EPHA5: variants seen among roughly 807,000 people sequenced by gnomAD.
The protein encoded by EPHA5 is ephrin type-A receptor 5.
EPHA5 carries 60 observed loss-of-function variants against 105.0 expected under a neutral mutation model. The observed-to-expected ratio is 0.57, with a 90% CI of 0.46 to 0.71. The LOEUF (loss-of-function observed/expected upper bound fraction) is 0.71. Ranked by LOEUF, EPHA5 falls within the 30% of genes least tolerant of loss-of-function variation. The pLI, the probability that EPHA5 is intolerant of heterozygous loss-of-function variation, is 0.00. For missense variants in EPHA5, 1,218 were observed against 1,274.7 expected (o/e 0.96, Z 0.68); for synonymous variants, 513 against 449.1 (o/e 1.14, Z -1.80).
At chr4:65,341,668 T>C (rs773659007) in intron 14 of EPHA5, among the ~76,000 whole-genome samples, 1 of 151,786 alleles carries the variant, frequency 6.6e-6, no homozygotes, top group Non-Finnish European at 1.5e-5. Context: ...TGGAAGATAG[T>C]GCATTCTTCA....
intron 4 of EPHA5, among the ~76,000 whole-genome samples, chr4:65,491,177 T>C (rs559091564): frequency 2.1e-5 from 3 of 145,292 alleles, no homozygotes; most frequent in African/African-American, 7.7e-5. Flanking sequence ...ACAAATGTTG[T>C]AAGTAAAAAA....
At chr4:65,378,994 T>C (rs965374848) in intron 8 of EPHA5, among the ~76,000 whole-genome samples, 1 of 151,866 alleles carries the variant, frequency 6.6e-6, no homozygotes, top group Admixed American at 6.6e-5. Flanking sequence ...TTAACAAATG[T>C]ATCCAATTGT....
intron 15 of EPHA5, among the ~76,000 whole-genome samples, chr4:65,333,949 T>G (rs992700243): frequency 1.6e-4 from 25 of 151,744 alleles, no homozygotes; most frequent in African/African-American, 6.0e-4. Context: ...TCAAAACCTA[T>G]CATTGTGCAT....
chr4:65,578,174 C>A (rs546602588), intron 3 of EPHA5, among the ~76,000 whole-genome samples: 1 of 152,230 alleles, frequency 6.6e-6, no homozygotes, highest in South Asian at 2.1e-4. Flanking sequence ...AGATTATTTT[C>A]CGAGTTTCTC....
intron 5 of EPHA5, among the ~76,000 whole-genome samples, chr4:65,433,221 TATAA>T (rs1429410707): frequency 6.6e-6 from 1 of 152,212 alleles, no homozygotes; most frequent in African/African-American, 2.4e-5. Flanking sequence ...ACTTCCATGA[TATAA>T]ATAGTTTCAT....
intron 5 of EPHA5, among the ~76,000 whole-genome samples, chr4:65,481,866 C>T (rs1264257666): frequency 6.6e-6 from 1 of 152,194 alleles, no homozygotes; most frequent in Admixed American, 6.5e-5. Context: ...AATACTTCTT[C>T]AATTAGTTGA....
intron 3 of EPHA5, among the ~76,000 whole-genome samples, chr4:65,514,354 A>G (rs1001512219): frequency 6.6e-6 from 1 of 152,176 alleles, no homozygotes; most frequent in Non-Finnish European, 1.5e-5. Context: ...AACTCCATGT[A>G]AAAAGTAATA....
At chr4:65,432,534 TTC>T (rs1379290927) in intron 5 of EPHA5, among the ~76,000 whole-genome samples, 3 of 152,058 alleles carry the variant, frequency 2.0e-5, no homozygotes, top group African/African-American at 7.2e-5. Flanking sequence ...CTTTTCGTTG[TTC>T]TGTTTTGTTT....
chr4:65,355,525 C>A (rs1723217492), intron 11 of EPHA5, among the ~76,000 whole-genome samples: 2 of 151,616 alleles, frequency 1.3e-5, no homozygotes, highest in Admixed American at 6.6e-5. Context: ...CCCATTCTCA[C>A]ATCTCTGAGC....
intron 3 of EPHA5, among the ~76,000 whole-genome samples, chr4:65,542,416 A>T (rs958052611): frequency 6.6e-6 from 1 of 152,128 alleles, no homozygotes; most frequent in Non-Finnish European, 1.5e-5. Context: ...ACAGAAATAC[A>T]AACTACTATC....
At chr4:65,569,119 A>G (rs1357713163) in intron 3 of EPHA5, among the ~76,000 whole-genome samples, 1 of 151,556 alleles carries the variant, frequency 6.6e-6, no homozygotes, top group African/African-American at 2.4e-5. Flanking sequence ...TTGAAGATAT[A>G]TTAATAGATA....
chr4:65,592,176 G>A (rs1274006975), intron 3 of EPHA5, among the ~76,000 whole-genome samples: 2 of 152,058 alleles, frequency 1.3e-5, no homozygotes, highest in Admixed American at 1.3e-4. Flanking sequence ...AAAAAATCCT[G>A]AACTAAGTAT....
At chr4:65,573,194 G>A (rs927565551) in intron 3 of EPHA5, among the ~76,000 whole-genome samples, 3 of 151,700 alleles carry the variant, frequency 2.0e-5, no homozygotes, top group African/African-American at 7.3e-5. Flanking sequence ...GGTGGATCAC[G>A]AGGTCAGGAT....
intron 3 of EPHA5, among the ~76,000 whole-genome samples, chr4:65,549,673 A>T (rs1040440639): frequency 6.6e-6 from 1 of 152,168 alleles, no homozygotes; most frequent in African/African-American, 2.4e-5. Flanking sequence ...AAAGACAAAA[A>T]ATTGAATTAA....
intron 1 of EPHA5, among the ~76,000 whole-genome samples, chr4:65,664,358 T>A (rs1334253932): frequency 6.6e-6 from 1 of 151,952 alleles, no homozygotes; most frequent in Non-Finnish European, 1.5e-5. Context: ...TTTCTATCTC[T>A]AATGCATCTC....
At chr4:65,630,299 G>A (rs1248567307) in intron 2 of EPHA5, among the ~76,000 whole-genome samples, 1 of 152,124 alleles carries the variant, frequency 6.6e-6, no homozygotes. Flanking sequence ...TGTTCATTAT[G>A]AGAAGTGATG....
chr4:65,441,434 T>C (rs1326906300), intron 5 of EPHA5, among the ~76,000 whole-genome samples: 2 of 152,068 alleles, frequency 1.3e-5, no homozygotes. Flanking sequence ...AAATTTGAAA[T>C]GTATAGATCT....
At chr4:65,514,610 T>C (rs1256202209) in intron 3 of EPHA5, among the ~76,000 whole-genome samples, 1 of 152,166 alleles carries the variant, frequency 6.6e-6, no homozygotes, top group African/African-American at 2.4e-5. Context: ...CTAGGCCTTG[T>C]CTAAATGGCA....
intron 14 of EPHA5, among the ~76,000 whole-genome samples, chr4:65,345,576 A>G (rs188970945): frequency 1.2e-4 from 19 of 152,356 alleles, no homozygotes; most frequent in Admixed American, 1.1e-3. Flanking sequence ...GAACAGACAG[A>G]GAGCGAGAGG....
Sources: allele counts gnomAD v4.1 joint callset (sites outside exome capture counted in the v4.1 genomes callset), GRCh38; gene constraint gnomAD v4.1.1; transcripts MANE v1.5; gene names NCBI Gene and HGNC (gene_info 2026-07-23, HGNC 2026-07-21).